Variants in ARMH4 observed in about 807,000 individuals in gnomAD.
The protein encoded by ARMH4 is armadillo like helical domain containing 4, also known as armadillo-like helical domain-containing protein 4.
A neutral mutation model predicts 61.9 loss-of-function variants in ARMH4; 49 were observed. That is an observed-to-expected ratio of 0.79 (90% CI 0.63 to 1.00). The LOEUF (loss-of-function observed/expected upper bound fraction) is 1.00. ARMH4 is among the 50% of genes least tolerant of loss of function. ARMH4 has a pLI of 0.00. For synonymous variants in ARMH4, 368 were observed against 341.5 expected, an observed-to-expected ratio of 1.08 and a Z score of -0.85; for missense variants, 934 against 930.0, an observed-to-expected ratio of 1.00 and a Z score of -0.06.
At position 58,138,725 on chromosome 14, in the gene ARMH4, T is replaced by C. The variant is rs776865220; in HGVS notation, c.634A>G (p.Thr212Ala). The stretch of plus-strand genomic sequence containing the variant: ...GGATTGGTGGTTAGCATTTCCTTAG[T>C]ATTCACATAGGATGAAGGTGAATGT... The part of the protein sequence containing the change: ...LGHSPSSYVN[T>A]KEMLTTNPKT... The change falls in exon 2 of 8, where the codon ACT becomes GCT. Residue 212 changes from threonine (T) to alanine (A), a missense_variant. Coordinates refer to ENST00000267485, the MANE Select transcript of ARMH4 (RefSeq NM_001001872.4). 1.2e-6 allele frequency: 2 copies of C among 1,614,056 alleles called. No homozygotes were observed. The highest frequency in any genetic ancestry group is 1.7e-6 in the Non-Finnish European group (2 of 1,180,052).
intron 1 of ARMH4, among the ~76,000 whole-genome samples, chr14:58,140,097 C>G (rs1189191270): frequency 4.0e-5 from 6 of 151,380 alleles, no homozygotes; most frequent in Non-Finnish European, 7.4e-5. Context: ...GGTGAAACCC[C>G]ATCTCTACTA....
Position 58,127,642 on chromosome 14 carries a change from T to A in ARMH4, c.1831+3870A>T, listed in dbSNP as rs372813453. Among the ~76,000 whole-genome samples, 319 of 152,202 alleles carry A rather than the reference T, an allele frequency of 2.1e-3. 1 individual carries two copies. The highest frequency in any genetic ancestry group is 6.9e-3 in the African/African-American group (285 of 41,510). Reference sequence around the variant, plus strand: ...ACAGAAAGATATTAAATAAGACCAATCGGATCAAGAATTCAAGTTCCCCAG... The same window carrying A: ...ACAGAAAGATATTAAATAAGACCAAACGGATCAAGAATTCAAGTTCCCCAG... On this transcript the variant is annotated intron_variant, in intron 4 of 7. Coordinates refer to ENST00000267485, the MANE Select transcript of ARMH4 (RefSeq NM_001001872.4).
At chr14:58,084,039 T>C (rs1409653783) in intron 5 of ARMH4, among the ~76,000 whole-genome samples, 3 of 152,162 alleles carry the variant, frequency 2.0e-5, no homozygotes, top group African/African-American at 4.8e-5. Flanking sequence ...AGACCAAGGT[T>C]TTAAAGTAAG....
chr14:58,081,265 G>A (rs1410527190), intron 5 of ARMH4, among the ~76,000 whole-genome samples: 6 of 152,062 alleles, frequency 3.9e-5, no homozygotes, highest in African/African-American at 9.7e-5. Context: ...AACAAACGTA[G>A]CGTCTCAGGC....
rs754199404 is a variant in ARMH4, at chr14:58,096,850, C to A, written c.1963G>T (p.Gly655Cys). ...EGLDGDTELP[G>C]FTLPGITSQE... ...GATGTGATACCAGGGAGGGTAAAAC[C>A]TGGCAGCTCAGTGTCACCATCCAAG... The change falls in exon 5 of 8, where the codon GGT becomes TGT. Residue 655 changes from glycine to cysteine, a missense_variant. Physicochemically the swap from Gly to Cys is radical, Grantham distance 159. Transcript: ENST00000267485. 6 of 1,614,150 alleles carry A rather than the reference C, an allele frequency of 3.7e-6. No homozygotes were observed. The highest frequency in any genetic ancestry group is 2.2e-5 in the East Asian group (1 of 44,868).
intron 4 of ARMH4, chr14:58,101,571 T>G (rs368596846): frequency 2.0e-5 from 3 of 151,892 alleles, no homozygotes; most frequent in Admixed American, 6.6e-5. Context: ...GAGGTAATAG[T>G]CAATCCATAA....
intron 5 of ARMH4, among the ~76,000 whole-genome samples, chr14:58,084,494 T>A (rs1885323220): frequency 6.6e-6 from 1 of 152,210 alleles, no homozygotes; most frequent in Non-Finnish European, 1.5e-5. Flanking sequence ...GTTCACCCAA[T>A]GCCTATGGCT....
chr14:58,117,488 C>T lies in ARMH4; in HGVS notation c.1831+14024G>A, dbSNP rs988353208. Among the ~76,000 whole-genome samples the T allele has an allele frequency of 4.6e-5, 7 of 152,168 alleles. No homozygotes were observed. In the East Asian group the frequency reaches 1.2e-3, roughly 25 times the overall value. ...CTCAACCTATCTAAAATGAGGCTTA[C>T]ATAATAATTTGTGGAAATATGCATT... On this transcript the variant is annotated intron_variant, in intron 4 of 7. Coordinates refer to ENST00000267485, the MANE Select transcript of ARMH4 (RefSeq NM_001001872.4).
intron 5 of ARMH4, among the ~76,000 whole-genome samples, chr14:58,040,488 A>C (rs1883651710): frequency 6.6e-6 from 1 of 152,224 alleles, no homozygotes; most frequent in African/African-American, 2.4e-5. Flanking sequence ...TGCAAAGGAC[A>C]TTATCTTGTT....
At chr14:58,058,966 A>G (rs1207588382) in intron 5 of ARMH4, among the ~76,000 whole-genome samples, 1 of 152,226 alleles carries the variant, frequency 6.6e-6, no homozygotes, top group Admixed American at 6.5e-5. Flanking sequence ...AAGCACTGGA[A>G]TGTTCTATCA....
intron 5 of ARMH4, among the ~76,000 whole-genome samples, chr14:58,064,077 G>A (rs548186620): frequency 1.3e-5 from 2 of 150,004 alleles, no homozygotes; most frequent in South Asian, 2.1e-4. Context: ...ACAATAGGTT[G>A]AGCCAACACC....
chr14:58,148,285 T>C (rs1887810529), intron 1 of ARMH4, among the ~76,000 whole-genome samples: 1 of 152,198 alleles, frequency 6.6e-6, no homozygotes, highest in Non-Finnish European at 1.5e-5. Context: ...GGCTTCGTGA[T>C]CCACCCACCT....
At chr14:58,151,627 T>G (rs12895032) in intron 1 of ARMH4, among the ~76,000 whole-genome samples, 67,233 of 152,142 alleles carry the variant, frequency 0.44, 15,962 homozygotes, top group Non-Finnish European at 0.54. Context: ...CTGAGTGGCA[T>G]TGGGGACACT....
intron 1 of ARMH4, among the ~76,000 whole-genome samples, chr14:58,145,970 C>T (rs958170069): frequency 6.6e-6 from 1 of 152,248 alleles, no homozygotes; most frequent in African/African-American, 2.4e-5. Context: ...TTCATGTAGT[C>T]ACTCCCATTT....
At chr14:58,110,340 C>T (rs905504794) in intron 4 of ARMH4, among the ~76,000 whole-genome samples, 12 of 152,178 alleles carry the variant, frequency 7.9e-5, no homozygotes, top group Non-Finnish European at 1.6e-4. Context: ...GTGCTGAGAA[C>T]GTTTAACATC....
intron 1 of ARMH4, among the ~76,000 whole-genome samples, chr14:58,149,064 T>C (rs1429840597): frequency 1.3e-5 from 2 of 152,246 alleles, no homozygotes; most frequent in African/African-American, 2.4e-5. Flanking sequence ...CTTTGTCCTT[T>C]TCATGACCAT....
intron 5 of ARMH4, among the ~76,000 whole-genome samples, chr14:58,014,845 A>C (rs926359686): frequency 6.6e-6 from 1 of 152,158 alleles, no homozygotes; most frequent in Non-Finnish European, 1.5e-5. Flanking sequence ...GCTAGAGTGC[A>C]AGGCAGAACC....
At chr14:58,137,618 G>C (rs1229628379) in intron 2 of ARMH4, among the ~76,000 whole-genome samples, 1 of 152,114 alleles carries the variant, frequency 6.6e-6, no homozygotes, top group Non-Finnish European at 1.5e-5. Context: ...GGCTGGTCTC[G>C]AACTCCTGAC....
chr14:58,079,320 T>G (rs117428004), intron 5 of ARMH4, among the ~76,000 whole-genome samples: 1,821 of 152,334 alleles, frequency 0.012, 11 homozygotes, highest in Middle Eastern at 0.031. Context: ...AGAGCCTTCA[T>G]GCTGCATCAT....
Sources: allele counts gnomAD v4.1 joint callset (sites outside exome capture counted in the v4.1 genomes callset), GRCh38; gene constraint gnomAD v4.1.1; transcripts MANE v1.5; gene names NCBI Gene and HGNC (gene_info 2026-07-23, HGNC 2026-07-21).